ARMH3: variants seen among roughly 807,000 people sequenced by gnomAD.
The protein encoded by ARMH3 is armadillo like helical domain containing 3, also known as armadillo-like helical domain-containing protein 3.
ARMH3 carries 60 observed loss-of-function variants against 99.1 expected under a neutral mutation model. The observed-to-expected ratio is 0.61, with a 90% CI of 0.49 to 0.75. The LOEUF is 0.75. ARMH3 is among the 30% of genes least tolerant of loss of function. The pLI is 0.00. For synonymous variants in ARMH3, 285 were observed against 292.8 expected (o/e 0.97, Z 0.27); for missense variants, 679 against 843.1 (o/e 0.81, Z 2.41).
chr10:101,858,480 TTAC>T (rs1284457082), intron 24 of ARMH3, among the ~76,000 whole-genome samples: 1 of 152,246 alleles, frequency 6.6e-6, no homozygotes, highest in Non-Finnish European at 1.5e-5. Flanking sequence ...AGTGTAGCTA[TTAC>T]TACTATTTTC....
At chr10:101,997,742 T>C (rs1388110321) in intron 15 of ARMH3, among the ~76,000 whole-genome samples, 2 of 152,164 alleles carry the variant, frequency 1.3e-5, no homozygotes, top group Non-Finnish European at 2.9e-5. Context: ...TAAGTTATGC[T>C]ATTTATTATA....
chr10:102,043,937 GAC>G (rs2067480813), intron 1 of ARMH3, among the ~76,000 whole-genome samples: 1 of 152,032 alleles, frequency 6.6e-6, no homozygotes, highest in African/African-American at 2.4e-5. Flanking sequence ...TGTTTTTTGA[GAC>G]AGAGTCTCAC....
At chr10:101,966,018 C>T (rs1021155097) in intron 20 of ARMH3, among the ~76,000 whole-genome samples, 1 of 152,042 alleles carries the variant, frequency 6.6e-6, no homozygotes, top group African/African-American at 2.4e-5. Context: ...TGAGCCAGGA[C>T]CAGGCACTCT....
chr10:102,039,122 A>G (rs1249790316), intron 2 of ARMH3, among the ~76,000 whole-genome samples: 5 of 151,842 alleles, frequency 3.3e-5, no homozygotes, highest in African/African-American at 1.2e-4. Context: ...CCCCTGCAGC[A>G]TATCTAATTA....
intron 23 of ARMH3, among the ~76,000 whole-genome samples, chr10:101,932,957 C>T (rs1234418801): frequency 6.6e-6 from 1 of 152,204 alleles, no homozygotes; most frequent in Admixed American, 6.5e-5. Context: ...GAGACTGAGG[C>T]AGGCGGATTA....
Position 101,847,318 on chromosome 10 carries a change from C to T in ARMH3, c.*210G>A. ...TTCCTGGAGGCCTCTCCCCACTGTG[C>T]CCACCCATTCCTCCCCAAATAAGAT... is the stretch of plus-strand genomic sequence containing the variant. On this transcript the variant is annotated 3_prime_UTR_variant, in exon 26 of 26. Transcript: ENST00000370033. The T allele has an allele frequency of 1.9e-6, 1 of 533,338 alleles. No homozygotes were observed. Among genetic ancestry groups the T allele is most frequent in the South Asian group, 2.1e-5 (1 of 47,072 alleles). 33.0% of individuals were successfully genotyped at this position (533,338 alleles called of 1,614,324 possible).
At chr10:102,011,914 T>A (rs1279830516) in intron 10 of ARMH3, 131 bp from the exon 11 acceptor site, 1 of 664,338 alleles carries the variant, frequency 1.5e-6, no homozygotes, top group African/African-American at 1.9e-5. Context: ...ATTATGACAA[T>A]CAAGCATCAT....
intron 6 of ARMH3, 106 bp downstream of exon 6, chr10:102,025,050 C>T: frequency 1.1e-6 from 1 of 933,110 alleles, no homozygotes; most frequent in Non-Finnish European, 1.7e-6. Flanking sequence ...GTAATACCCT[C>T]ATTGAGAATA....
chr10:101,866,464 C>G (rs943246918), intron 24 of ARMH3, among the ~76,000 whole-genome samples: 1 of 144,984 alleles, frequency 6.9e-6, no homozygotes, highest in African/African-American at 2.5e-5. Flanking sequence ...AAAAATGAAT[C>G]CAGTGTAAGG....
intron 18 of ARMH3, 40 bp from the exon 19 acceptor site, chr10:101,990,651 G>T: frequency 1.3e-6 from 2 of 1,500,348 alleles, no homozygotes; most frequent in Non-Finnish European, 1.9e-6. Context: ...AATTACAATG[G>T]AATTCATTTC....
chr10:102,022,762 A>T (rs1317839587), intron 8 of ARMH3, among the ~76,000 whole-genome samples: 1 of 150,184 alleles, frequency 6.7e-6, no homozygotes, highest in East Asian at 2.0e-4. Flanking sequence ...TTGTATTTTT[A>T]GTAGAGACGG....
intron 8 of ARMH3, among the ~76,000 whole-genome samples, chr10:102,018,913 T>A (rs965247776): frequency 6.6e-6 from 1 of 152,040 alleles, no homozygotes; most frequent in Non-Finnish European, 1.5e-5. Context: ...GCCAAGATCA[T>A]GCCATTGCAC....
intron 20 of ARMH3, among the ~76,000 whole-genome samples, chr10:101,972,978 A>G (rs1347916117): frequency 6.6e-6 from 1 of 152,202 alleles, no homozygotes; most frequent in Non-Finnish European, 1.5e-5. Flanking sequence ...AGAATAAAGA[A>G]TGGCCTTCTT....
chr10:101,975,546 C>G (rs1011972188), intron 19 of ARMH3, among the ~76,000 whole-genome samples: 2 of 152,074 alleles, frequency 1.3e-5, no homozygotes, highest in Non-Finnish European at 2.9e-5. Context: ...GCCTGGCCAA[C>G]ATGGCAAAAC....
intron 2 of ARMH3, among the ~76,000 whole-genome samples, 164 bp downstream of exon 2, chr10:102,039,849 T>G (rs1002878697): frequency 6.6e-6 from 1 of 152,198 alleles, no homozygotes; most frequent in Non-Finnish European, 1.5e-5. Flanking sequence ...ATGATTATAA[T>G]CTCTACTCTG....
chr10:101,909,463 CTTTTTTTT>C (rs61122631), intron 23 of ARMH3, among the ~76,000 whole-genome samples: 3 of 71,714 alleles, frequency 4.2e-5, no homozygotes, highest in Admixed American at 2.3e-4. Flanking sequence ...CAAGCTTCCT[CTTTTTTTT>C]TTTTTTTTTT....
chr10:102,047,615 T>C (rs2067588367), intron 1 of ARMH3, among the ~76,000 whole-genome samples: 1 of 151,862 alleles, frequency 6.6e-6, no homozygotes, highest in African/African-American at 2.4e-5. Flanking sequence ...GCCTCCCAAG[T>C]AGCTGGGACT....
intron 24 of ARMH3, among the ~76,000 whole-genome samples, chr10:101,868,765 G>GT (rs1276860760): frequency 6.6e-6 from 1 of 152,130 alleles, no homozygotes; most frequent in Non-Finnish European, 1.5e-5. Flanking sequence ...TTAATCAACT[G>GT]TTTATGTTAT....
chr10:102,007,561 A>G lies in ARMH3; in HGVS notation c.955-928T>C, dbSNP rs536083349. Among the ~76,000 whole-genome samples the G allele has an allele frequency of 1.2e-3, 179 of 150,422 alleles. 1 individual carries two copies. The highest frequency in any genetic ancestry group is 6.8e-3 in the Middle Eastern group (2 of 292). ...TCAGCCGGGTGCGGTGGCTCACACC[A>G]GTAATCCCAGCACTTTTGGGAGGCC... On this transcript the variant is annotated intron_variant, in intron 13 of 25. Transcript: ENST00000370033.
Sources: gnomAD v4.1 joint callset for allele counts (sites outside exome capture counted in the v4.1 genomes callset) on GRCh38, gnomAD v4.1.1 for gene constraint, MANE v1.5 for transcripts, NCBI Gene and HGNC (gene_info 2026-07-23, HGNC 2026-07-21) for gene names.